HEATR5A: variants seen among roughly 807,000 people sequenced by gnomAD.
HEATR5A encodes HEAT repeat containing 5A.
A neutral mutation model predicts 218.8 loss-of-function variants in HEATR5A; 178 were observed. The observed-to-expected ratio is 0.81, with a 90% CI of 0.72 to 0.92. The LOEUF (loss-of-function observed/expected upper bound fraction) is 0.92, where lower values mean the gene tolerates loss of function less well. Ranked by LOEUF, HEATR5A falls within the 40% of genes least tolerant of loss-of-function variation. The pLI, the probability that HEATR5A is intolerant of heterozygous loss-of-function variation, is 0.00. For missense variants in HEATR5A, 2,420 were observed against 2,418.9 expected (o/e 1.00, Z -0.01); for synonymous variants, 864 against 871.6 (o/e 0.99, Z 0.15).
chr14:31,329,947 G>A (rs1398352235), intron 22 of HEATR5A, among the ~76,000 whole-genome samples: 2 of 152,144 alleles, frequency 1.3e-5, no homozygotes, highest in Non-Finnish European at 2.9e-5. Context: ...TCCTGACCTC[G>A]TGATCCACCC....
intron 6 of HEATR5A, among the ~76,000 whole-genome samples, chr14:31,392,076 T>C (rs1288513154): frequency 6.6e-6 from 1 of 152,244 alleles, no homozygotes; most frequent in African/African-American, 2.4e-5. Context: ...CCAGTTGTTT[T>C]ATAGAATGGC....
In HEATR5A at chr14:31,364,347, A is replaced by G. The variant is rs1901729727; in HGVS notation, c.1962-49T>C. 6 of 878,862 alleles carry G rather than the reference A, an allele frequency of 6.8e-6. No individual in the cohort carries two copies. In the East Asian group the frequency reaches 1.6e-4, roughly 24 times the overall value. The allele number at this position is 878,862 out of a possible 1,614,324, so 54.4% of individuals were successfully genotyped here. A position where few individuals can be genotyped will look rare whatever the true frequency, so the allele number is the denominator to read the frequency against. On this transcript the variant is annotated intron_variant, in intron 13 of 35. Coordinates refer to ENST00000543095, the MANE Select transcript of HEATR5A (RefSeq NM_015473.4). ...TCTTAAGTGGTTAAGTTATATAACA[A>G]TATACAAAAATTGACAGCTTAATAT... is the stretch of plus-strand genomic sequence containing the variant.
chr14:31,394,024 G>C, intron 6 of HEATR5A, 28 bp downstream of exon 6: 1 of 1,406,906 alleles, frequency 7.1e-7, no homozygotes, highest in Non-Finnish European at 9.5e-7. Flanking sequence ...TTACAGAAGA[G>C]ACTTTGAAAA....
chr14:31,319,109 CTTAA>C (rs924246778), intron 25 of HEATR5A, among the ~76,000 whole-genome samples: 1 of 152,096 alleles, frequency 6.6e-6, no homozygotes, highest in South Asian at 2.1e-4. Context: ...CAGAACTCCT[CTTAA>C]TTAAGTTGAA....
At chr14:31,316,282 C>T (rs138140413) in intron 26 of HEATR5A, among the ~76,000 whole-genome samples, 2 of 151,640 alleles carry the variant, frequency 1.3e-5, no homozygotes, top group East Asian at 3.9e-4. Context: ...AGTGAGACCC[C>T]ATCTCTTAAA....
intron 21 of HEATR5A, among the ~76,000 whole-genome samples, chr14:31,339,168 T>C (rs1900761239): frequency 6.7e-6 from 1 of 149,296 alleles, no homozygotes; most frequent in Non-Finnish European, 1.5e-5. Flanking sequence ...TGTATGTATG[T>C]ATATATGAGA....
chr14:31,328,587 AAG>A (rs1242840632), intron 22 of HEATR5A, among the ~76,000 whole-genome samples: 1 of 152,188 alleles, frequency 6.6e-6, no homozygotes, highest in African/African-American at 2.4e-5. Context: ...TTATTTAAAA[AAG>A]AGGTTTCAGT....
intron 8 of HEATR5A, 148 bp downstream of exon 8, chr14:31,386,972 T>C (rs1214074430): frequency 9.5e-6 from 7 of 733,948 alleles, no homozygotes; most frequent in Non-Finnish European, 1.5e-5. Flanking sequence ...TATCTTAAAT[T>C]CTATAGGAAG....
chr14:31,293,425 G>A lies in HEATR5A; in HGVS notation c.6021C>T (p.Ala2007=). ...SLVASSPALK[A]RLEAAIKGNQ... Reference sequence around the variant, plus strand: ...TGCCCTTTATAGCAGCCTCAAGGCGGGCTTTTAGGGCTGGAGAAGAAGCCA... The same window carrying A: ...TGCCCTTTATAGCAGCCTCAAGGCGAGCTTTTAGGGCTGGAGAAGAAGCCA... The change falls in exon 36 of 36, where the codon GCC becomes GCT. Residue 2007 remains alanine, a synonymous_variant. Transcript: ENST00000543095. The A allele has an allele frequency of 2.5e-6, 4 of 1,613,922 alleles. No homozygotes were observed. Among genetic ancestry groups the A allele is most frequent in the South Asian group, 1.1e-5 (1 of 91,080 alleles).
intron 22 of HEATR5A, 46 bp downstream of exon 22, chr14:31,337,429 TA>T: frequency 6.7e-7 from 1 of 1,484,768 alleles, no homozygotes; most frequent in Non-Finnish European, 9.1e-7. Flanking sequence ...AAATTTAAAA[TA>T]AAAATAATCA....
Position 31,344,933 on chromosome 14 carries a change from T to C in HEATR5A, c.3058+154A>G, listed in dbSNP as rs899577678. Among the ~76,000 whole-genome samples the C allele has an allele frequency of 1.8e-4, 27 of 152,244 alleles. 1 individual carries two copies. Among genetic ancestry groups the C allele is most frequent in the Admixed American group, 1.3e-4 (2 of 15,278 alleles). The stretch of plus-strand genomic sequence containing the variant: ...TGTCTAAATATTGTACTCTGTCTTT[T>C]CAAGGTAAGAGAAATCAGGCTGAAT... On this transcript the variant is annotated intron_variant, in intron 20 of 35. Coordinates refer to ENST00000543095, the MANE Select transcript of HEATR5A (RefSeq NM_015473.4).
intron 26 of HEATR5A, among the ~76,000 whole-genome samples, chr14:31,317,563 T>C (rs1899953170): frequency 6.6e-6 from 1 of 152,162 alleles, no homozygotes; most frequent in Admixed American, 6.6e-5. Context: ...CCCAAAGTGC[T>C]GGGATTACAG....
At chr14:31,356,512 G>A (rs1366908846) in intron 16 of HEATR5A, among the ~76,000 whole-genome samples, 2 of 152,170 alleles carry the variant, frequency 1.3e-5, no homozygotes, top group Non-Finnish European at 2.9e-5. Flanking sequence ...TTGGTTACAG[G>A]TGTAAACTAC....
chr14:31,357,609 T>G (rs2139229048), intron 16 of HEATR5A, among the ~76,000 whole-genome samples: 1 of 152,332 alleles, frequency 6.6e-6, no homozygotes, highest in East Asian at 1.9e-4. Context: ...AGTTACTAAT[T>G]AAGAAACTAT....
intron 11 of HEATR5A, 80 bp downstream of exon 11, chr14:31,380,387 C>A: frequency 1.1e-6 from 1 of 880,432 alleles, no homozygotes; most frequent in Non-Finnish European, 1.8e-6. Context: ...AAGTTCATTT[C>A]ATCAAATCAC....
intron 22 of HEATR5A, chr14:31,334,594 G>A (rs1900586928): frequency 2.3e-5 from 8 of 350,610 alleles, no homozygotes; most frequent in South Asian, 1.8e-4. Context: ...GCATGTTACA[G>A]AGTAATCTTT....
chr14:31,320,572 T>G (rs1451304714), intron 25 of HEATR5A: 2 of 826,606 alleles, frequency 2.4e-6, no homozygotes, highest in South Asian at 1.3e-5. Context: ...CAGGCCTGAT[T>G]AGACCCCTGG....
chr14:31,302,648 A>G (rs1899422263), intron 32 of HEATR5A, 129 bp from the exon 33 acceptor site: 6 of 653,054 alleles, frequency 9.2e-6, no homozygotes, highest in Non-Finnish European at 1.6e-5. Flanking sequence ...ATAAAGAATT[A>G]TAACTGTTAA....
intron 22 of HEATR5A, among the ~76,000 whole-genome samples, chr14:31,332,985 CA>C (rs34966796): frequency 0.47 from 60,592 of 128,372 alleles, 13,077 homozygotes; most frequent in Middle Eastern, 0.53. Context: ...GACTCCATCT[CA>C]AAAAAAAAAA....
Sources: gnomAD v4.1 joint callset for allele counts (sites outside exome capture counted in the v4.1 genomes callset) on GRCh38, gnomAD v4.1.1 for gene constraint, MANE v1.5 for transcripts, NCBI Gene and HGNC (gene_info 2026-07-23, HGNC 2026-07-21) for gene names.